The following MAD1L1 variants were observed in gnomAD, a reference collection of about 807,000 sequenced individuals.
The protein encoded by MAD1L1 is mitotic spindle assembly checkpoint protein MAD1.
In MAD1L1, 95 loss-of-function variants were observed where a neutral mutation model predicts 96.9. The observed-to-expected ratio is 0.98, with a 90% CI of 0.83 to 1.16. The LOEUF (loss-of-function observed/expected upper bound fraction) is 1.16. Ranked by LOEUF, MAD1L1 falls within the 50% of genes most tolerant of loss-of-function variation. MAD1L1 has a pLI of 0.00. For synonymous variants in MAD1L1, 473 were observed against 396.6 expected (o/e 1.19, Z -2.29); for missense variants, 1,007 against 954.4 (o/e 1.06, Z -0.73).
intron 17 of MAD1L1, among the ~76,000 whole-genome samples, chr7:1,913,564 T>C (rs1273432120): frequency 6.6e-6 from 1 of 151,842 alleles, no homozygotes; most frequent in East Asian, 1.9e-4. Flanking sequence ...GGGGTTGGCG[T>C]GGGGTCAGCA....
Position 2,119,802 on chromosome 7 carries a change from C to T in MAD1L1, c.1073+29350G>A, listed in dbSNP as rs3800908. 0.48 allele frequency among the ~76,000 whole-genome samples: 72,708 copies of T among 152,004 alleles called. 17,857 individuals carry two copies. The highest frequency in any genetic ancestry group is 0.6 in the East Asian group (3,104 of 5,144). ...ACAGATGGCAGCCACACACGTCCCA[C>T]GACAACTGTTCCAGACCCCTAGGCT... On this transcript the variant is annotated intron_variant, in intron 11 of 18. Transcript: ENST00000265854. The surrounding 1 kb of genome is among the most constrained non-coding windows in gnomAD (Gnocchi z 4.6).
At chr7:1,847,065 T>C (rs934342461) in intron 18 of MAD1L1, 1 of 346,994 alleles carries the variant, frequency 2.9e-6, no homozygotes, top group South Asian at 2.1e-5. Flanking sequence ...GCCCCAAGAA[T>C]GGAATACAGA....
At chr7:2,210,059 T>G (rs569509304) in intron 10 of MAD1L1, 10 of 152,332 alleles carry the variant, frequency 6.6e-5, no homozygotes, top group African/African-American at 2.2e-4. Context: ...GAAAGCCCAG[T>G]GCATCTCAGG....
At chr7:2,012,297 G>A (rs765454476) in intron 13 of MAD1L1, among the ~76,000 whole-genome samples, 16 of 152,168 alleles carry the variant, frequency 1.1e-4, no homozygotes, top group Non-Finnish European at 2.2e-4. Context: ...GGCCCGTGAC[G>A]AGCCAATCAC....
intron 12 of MAD1L1, among the ~76,000 whole-genome samples, chr7:2,058,466 G>A (rs1419282351): frequency 1.5e-5 from 1 of 68,520 alleles, no homozygotes; most frequent in Non-Finnish European, 2.9e-5. Context: ...TGGAGAGGGA[G>A]TGTGGCCAGA....
chr7:1,897,880 C>T (rs1376342908), intron 18 of MAD1L1, among the ~76,000 whole-genome samples: 1 of 152,250 alleles, frequency 6.6e-6, no homozygotes, highest in Admixed American at 6.5e-5. Flanking sequence ...TCTGGACACA[C>T]TGACACACAC....
chr7:2,012,793 T>C (rs1179563311), intron 13 of MAD1L1, among the ~76,000 whole-genome samples: 3 of 152,170 alleles, frequency 2.0e-5, no homozygotes, highest in Non-Finnish European at 4.4e-5. Context: ...AGCGAGTGCA[T>C]GTGGGCCCTG....
intron 15 of MAD1L1, among the ~76,000 whole-genome samples, chr7:1,970,270 A>C (rs1780344843): frequency 1.3e-5 from 2 of 151,546 alleles, no homozygotes; most frequent in South Asian, 4.2e-4. Context: ...GGGTGATTAG[A>C]GTTCATAGAG....
At chr7:1,905,729 C>G (rs1282468211) in intron 17 of MAD1L1, among the ~76,000 whole-genome samples, 1 of 152,170 alleles carries the variant, frequency 6.6e-6, no homozygotes, top group Non-Finnish European at 1.5e-5. Context: ...CCGGCCTGAC[C>G]CCCATCTGTG....
At chr7:2,072,512 T>TG (rs1428393694) in intron 11 of MAD1L1, among the ~76,000 whole-genome samples, 1 of 152,216 alleles carries the variant, frequency 6.6e-6, no homozygotes, top group Non-Finnish European at 1.5e-5. Context: ...GAGGCTACTT[T>TG]GGGACCCAGT....
At chr7:1,877,921 T>C (rs1008410672) in intron 18 of MAD1L1, among the ~76,000 whole-genome samples, 1 of 151,486 alleles carries the variant, frequency 6.6e-6, no homozygotes, top group Admixed American at 6.6e-5. Flanking sequence ...AGGAGAGAGA[T>C]AAAAAAATCG....
intron 10 of MAD1L1, among the ~76,000 whole-genome samples, chr7:2,184,542 A>G (rs1273472674): frequency 3.3e-5 from 5 of 152,216 alleles, no homozygotes; most frequent in Non-Finnish European, 7.3e-5. Flanking sequence ...AGGCCCAGCA[A>G]TTTGACTTCT....
intron 15 of MAD1L1, among the ~76,000 whole-genome samples, chr7:1,961,377 T>C (rs1015499837): frequency 1.3e-5 from 2 of 152,238 alleles, no homozygotes; most frequent in African/African-American, 4.8e-5. Flanking sequence ...AGTGCAGTAC[T>C]GGTCTGCAAG....
chr7:2,010,873 C>T (rs779603787), intron 13 of MAD1L1, among the ~76,000 whole-genome samples: 1 of 151,966 alleles, frequency 6.6e-6, no homozygotes, highest in Non-Finnish European at 1.5e-5. Flanking sequence ...TTGCGAGGCC[C>T]GAGGTCAGAA....
intron 11 of MAD1L1, among the ~76,000 whole-genome samples, chr7:2,117,724 C>T (rs1210032490): frequency 6.6e-6 from 1 of 152,176 alleles, no homozygotes; most frequent in East Asian, 1.9e-4. Flanking sequence ...GTTAATTAAA[C>T]CTTTTTCCTT....
chr7:1,838,200 A>G (rs765257115), intron 18 of MAD1L1, among the ~76,000 whole-genome samples: 1 of 152,212 alleles, frequency 6.6e-6, no homozygotes, highest in Non-Finnish European at 1.5e-5. Context: ...AGCCCCTGGG[A>G]TGGAAAAGCA....
chr7:2,052,855 G>A (rs936977140), intron 12 of MAD1L1, among the ~76,000 whole-genome samples: 36 of 152,136 alleles, frequency 2.4e-4, no homozygotes, highest in African/African-American at 8.7e-4. Flanking sequence ...GGAGCATGGG[G>A]GAGGGAGGCG....
Position 2,069,866 on chromosome 7 carries a change from C to T in MAD1L1, c.1074-528G>A, listed in dbSNP as rs561700109. Among the ~76,000 whole-genome samples the T allele has an allele frequency of 4.5e-4, 68 of 152,372 alleles. 1 individual carries two copies. The highest frequency in any genetic ancestry group is 1.2e-3 in the African/African-American group (51 of 41,590). On this transcript the variant is annotated intron_variant, in intron 11 of 18. Coordinates refer to ENST00000265854, the MANE Select transcript of MAD1L1 (RefSeq NM_001013836.2). ...TGCCCAAGAGGCCTCTCCCTGTCCG[C>T]CCCTTCGGGTGGCTGATGGTTCCTT...
chr7:1,844,950 A>G (rs1407842614), intron 18 of MAD1L1, among the ~76,000 whole-genome samples: 3 of 152,194 alleles, frequency 2.0e-5, no homozygotes, highest in African/African-American at 7.2e-5. Context: ...AGCCAGGGTC[A>G]CTGTCCCGCC....
Sources: gnomAD v4.1 joint callset for allele counts (sites outside exome capture counted in the v4.1 genomes callset) on GRCh38, gnomAD v4.1.1 for gene constraint, Gnocchi (gnomAD v3.1) non-coding constraint, MANE v1.5 for transcripts, NCBI Gene and HGNC (gene_info 2026-07-23, HGNC 2026-07-21) for gene names.